CACNA1E: variants seen among roughly 807,000 people sequenced by gnomAD.
The protein encoded by CACNA1E is calcium voltage-gated channel subunit alpha1 E, also known as voltage-dependent R-type calcium channel subunit alpha-1E.
Under a neutral mutation model 259.2 loss-of-function variants are expected in CACNA1E, and 40 were observed. The observed-to-expected ratio is 0.15, with a 90% CI of 0.12 to 0.20. The LOEUF is 0.20. Ranked by LOEUF, CACNA1E falls within the 10% of genes least tolerant of loss-of-function variation. CACNA1E has a pLI of 1.00. For synonymous variants in CACNA1E, 1,104 were observed against 1,138.5 expected (o/e 0.97, Z 0.61); for missense variants, 1,874 against 3,040.1 (o/e 0.62, Z 9.02).
At chr1:181,475,642 T>C (rs558570993) in intron 2 of CACNA1E, among the ~76,000 whole-genome samples, 24 of 152,358 alleles carry the variant, frequency 1.6e-4, no homozygotes, top group African/African-American at 5.8e-4. Context: ...GGTTGAATTC[T>C]GATTGCCTTG....
chr1:181,547,351 AC>A (rs1208376969), intron 3 of CACNA1E, among the ~76,000 whole-genome samples: 1 of 150,734 alleles, frequency 6.6e-6, no homozygotes, highest in Non-Finnish European at 1.5e-5. Flanking sequence ...TGGATTTCTC[AC>A]CCCTGTTCAT....
chr1:181,666,251 T>C (rs991582098), intron 7 of CACNA1E, among the ~76,000 whole-genome samples: 1 of 152,178 alleles, frequency 6.6e-6, no homozygotes, highest in Non-Finnish European at 1.5e-5. Flanking sequence ...TCCCATTGCC[T>C]AAACGATAGA....
At chr1:181,444,950 A>C (rs1660712706) in intron 2 of CACNA1E, among the ~76,000 whole-genome samples, 1 of 152,016 alleles carries the variant, frequency 6.6e-6, no homozygotes, top group Non-Finnish European at 1.5e-5. Flanking sequence ...AAATTTTTTG[A>C]CTTCTGATCT....
At position 181,483,676 on chromosome 1, in the gene CACNA1E, G is replaced by C. The variant is rs1470934442; in HGVS notation, c.-69G>C. 3.5e-6 allele frequency: 4 copies of C among 1,134,206 alleles called. No individual in the cohort carries two copies. In the South Asian group the frequency reaches 6.7e-5, roughly 19 times the overall value. 70.3% of individuals were successfully genotyped at this position (1,134,206 alleles called of 1,614,324 possible). A position where few individuals can be genotyped will look rare whatever the true frequency, so the allele number is the denominator to read the frequency against. On this transcript the variant is annotated 5_prime_UTR_variant, in exon 1 of 48. Transcript: ENST00000367573. The stretch of plus-strand genomic sequence containing the variant: ...GCTCTGAGTCTCCGTGTGTCTTTCT[G>C]CTTGTTGCTGTGTGCGGGTGTTCGG...
At chr1:181,320,477 T>C (rs572903297) in intron 1 of CACNA1E, among the ~76,000 whole-genome samples, 1 of 152,326 alleles carries the variant, frequency 6.6e-6, no homozygotes, top group South Asian at 2.1e-4. Flanking sequence ...ATTTTCCAAA[T>C]ATTATACCAA....
At chr1:181,550,707 G>A (rs937551493) in intron 3 of CACNA1E, among the ~76,000 whole-genome samples, 2 of 152,012 alleles carry the variant, frequency 1.3e-5, no homozygotes, top group African/African-American at 4.8e-5. Context: ...TCCCTTGCTA[G>A]AAATAAATGC....
intron 28 of CACNA1E, 107 bp from the exon 29 acceptor site, chr1:181,755,849 G>A (rs1171420198): frequency 8.6e-7 from 1 of 1,163,252 alleles, no homozygotes; most frequent in Non-Finnish European, 1.2e-6. Flanking sequence ...ACACATGTAT[G>A]GTGATCATTA....
intron 1 of CACNA1E, among the ~76,000 whole-genome samples, chr1:181,490,042 C>T (rs1352048388): frequency 6.6e-6 from 1 of 152,162 alleles, no homozygotes; most frequent in African/African-American, 2.4e-5. Flanking sequence ...CTCCCCCAAC[C>T]TCGTGGTTTC....
intron 2 of CACNA1E, among the ~76,000 whole-genome samples, chr1:181,465,070 TGTATA>T (rs777034124): frequency 1.5e-4 from 23 of 152,266 alleles, no homozygotes; most frequent in Non-Finnish European, 2.6e-4. Context: ...CCCCTGAACT[TGTATA>T]GTAAACTCTC....
intron 6 of CACNA1E, among the ~76,000 whole-genome samples, chr1:181,634,593 C>T (rs1657034769): frequency 6.6e-6 from 1 of 152,154 alleles, no homozygotes; most frequent in Non-Finnish European, 1.5e-5. Context: ...GAGCATTGTG[C>T]AGTTTGCTTA....
chr1:181,766,910 A>T (rs537689115), intron 35 of CACNA1E, among the ~76,000 whole-genome samples: 1 of 152,330 alleles, frequency 6.6e-6, no homozygotes, highest in East Asian at 1.9e-4. Flanking sequence ...ACTAAAGCAA[A>T]GATGACACCA....
chr1:181,644,301 G>A (rs879892965), intron 6 of CACNA1E, among the ~76,000 whole-genome samples: 3 of 152,164 alleles, frequency 2.0e-5, no homozygotes, highest in Admixed American at 6.5e-5. Flanking sequence ...CAGATCTGCC[G>A]ATAAGTTGCT....
chr1:181,366,647 T>C (rs971910997), intron 1 of CACNA1E, among the ~76,000 whole-genome samples: 4 of 152,046 alleles, frequency 2.6e-5, no homozygotes, highest in African/African-American at 9.7e-5. Flanking sequence ...CCGACTGCAA[T>C]TGCAAGGATT....
intron 21 of CACNA1E, among the ~76,000 whole-genome samples, chr1:181,735,842 C>T (rs1184347122): frequency 6.6e-6 from 1 of 152,102 alleles, no homozygotes; most frequent in Non-Finnish European, 1.5e-5. Context: ...CTTTAGTTTT[C>T]CCATCTGTAT....
In CACNA1E at chr1:181,750,478, A is replaced by C; in HGVS notation, c.3722A>C (p.Asn1241Thr). Residue 1241 changes from asparagine to threonine, a missense_variant and splice_region_variant, in exon 26 of 48, where the codon AAC becomes ACC. Physicochemically the swap from Asn to Thr is moderately conservative, Grantham distance 65 (BLOSUM62 0). Coordinates refer to ENST00000367573, the MANE Select transcript of CACNA1E (RefSeq NM_001205293.3). Reference protein sequence around the residue: ...VGALVAFALANALGTNKGRDI... With the variant: ...VGALVAFALATALGTNKGRDI... ...CTCTCTGATTGGATCCTCCATAGGA[A>C]CGCTTTGGGGTAAATATGTTCGATT... 6.2e-7 allele frequency: 1 copy of C among 1,613,324 alleles called. No individual in the cohort carries two copies. Among genetic ancestry groups the C allele is most frequent in the Non-Finnish European group, 8.5e-7 (1 of 1,179,458 alleles).
chr1:181,552,628 A>T (rs939684147), intron 3 of CACNA1E, among the ~76,000 whole-genome samples: 1 of 152,028 alleles, frequency 6.6e-6, no homozygotes, highest in African/African-American at 2.4e-5. Context: ...TGCTCTAAAC[A>T]TTTTTTAAAA....
At chr1:181,411,953 A>C (rs1009162615) in intron 1 of CACNA1E, among the ~76,000 whole-genome samples, 2 of 152,384 alleles carry the variant, frequency 1.3e-5, no homozygotes, top group South Asian at 2.1e-4. Context: ...GGCCTACGCC[A>C]ATCATAGCAC....
chr1:181,765,741 C>T (rs989553561), intron 34 of CACNA1E, among the ~76,000 whole-genome samples: 4 of 152,282 alleles, frequency 2.6e-5, no homozygotes, highest in South Asian at 2.1e-4. Context: ...TCTCTGGCAG[C>T]GCTGAGATCA....
In CACNA1E at chr1:181,732,739, G is replaced by A. The variant is rs1480683984; in HGVS notation, c.2653G>A (p.Ala885Thr). ...SLGQREPPWL[A>T]RPCHGNCDPT... ...GGGCCAGCGGGAGCCACCATGGCTG[G>A]CCAGGCCCTGTCATGGAAACTGTGA... is the stretch of plus-strand genomic sequence containing the variant. Residue 885 changes from alanine to threonine, a missense_variant, in exon 20 of 48, where the codon GCC becomes ACC. Ala to Thr is a moderately conservative substitution (Grantham distance 58). This residue lies in a region of CACNA1E where 476 missense variants were observed against 514.0 expected (regional missense o/e 0.93). Coordinates refer to ENST00000367573, the MANE Select transcript of CACNA1E (RefSeq NM_001205293.3). The surrounding 1 kb of genome is among the most constrained non-coding windows in gnomAD (Gnocchi z 5.5). The A allele has an allele frequency of 3.2e-6, 5 of 1,558,930 alleles. No individual in the cohort carries two copies. Among genetic ancestry groups the A allele is most frequent in the Non-Finnish European group, 3.5e-6 (4 of 1,152,944 alleles).
Sources: gnomAD v4.1 joint callset for allele counts (sites outside exome capture counted in the v4.1 genomes callset) on GRCh38, gnomAD v4.1.1 for gene constraint, gnomAD v4.1.1 regional missense constraint, Gnocchi (gnomAD v3.1) non-coding constraint, MANE v1.5 for transcripts, NCBI Gene and HGNC (gene_info 2026-07-23, HGNC 2026-07-21) for gene names.